YJU2: variants seen among roughly 807,000 people sequenced by gnomAD.
YJU2 encodes splicing factor YJU2.
In YJU2, 28 loss-of-function variants were observed where a neutral mutation model predicts 39.6. The ratio of observed to expected loss-of-function variants is 0.71; its 90% confidence interval spans 0.52 to 0.97. The LOEUF (loss-of-function observed/expected upper bound fraction) is 0.97. YJU2 is among the 50% of genes least tolerant of loss of function. The probability of loss-of-function intolerance (pLI) is 0.00; values close to 1 mark genes in which losing one functional copy is unlikely to be tolerated. For missense variants in YJU2, 328 were observed against 430.4 expected (o/e 0.76, Z 2.11); for synonymous variants, 184 against 182.4 (o/e 1.01, Z -0.07).
intron 5 of YJU2, among the ~76,000 whole-genome samples, chr19:4,260,925 G>A (rs1971065559): frequency 6.6e-6 from 1 of 152,184 alleles, no homozygotes; most frequent in Admixed American, 6.6e-5. Context: ...GCCAGGATGC[G>A]TGAGCTTGAA....
intron 7 of YJU2, 88 bp downstream of exon 7, chr19:4,267,862 A>T (rs1971129517): frequency 2.3e-6 from 3 of 1,304,780 alleles, no homozygotes; most frequent in South Asian, 1.4e-5. Context: ...CAGAGACTTC[A>T]TGGGGTGGGT....
rs145932347 is a variant in YJU2 at position 4,255,446 on chromosome 19, C to T, written c.405+957C>T. 1.8e-4 allele frequency among the ~76,000 whole-genome samples: 27 copies of T among 151,864 alleles called. No homozygotes were observed. In the East Asian group the frequency reaches 5.1e-3, roughly 28 times the overall value. On this transcript the variant is annotated intron_variant, in intron 4 of 7. Transcript: ENST00000262962. The stretch of plus-strand genomic sequence containing the variant: ...AAAACATTAAAAAATTAGCCAGGTG[C>T]TTGCCAGGCGTGGTGGCTCACACCT...
At chr19:4,247,819 C>T (rs1224575899) in intron 1 of YJU2, among the ~76,000 whole-genome samples, 1 of 151,594 alleles carries the variant, frequency 6.6e-6, no homozygotes, top group Non-Finnish European at 1.5e-5. Context: ...TTCCAGACTC[C>T]CAGAAGAAAA....
rs1220923964 is a variant in YJU2, at chr19:4,247,674, T to C, written c.24+504T>C. Among the ~76,000 whole-genome samples the C allele has an allele frequency of 4.4e-3, 533 of 121,294 alleles. 65 individuals are homozygous for C. The highest frequency in any genetic ancestry group is 0.016 in the African/African-American group (482 of 30,338). The allele number at this position is 121,294 out of a possible 152,430, so 79.6% of individuals were successfully genotyped here. Reference sequence around the variant, plus strand: ...GTGTGTGTGTGTGTGTGTGTGTGTGTGTGTGTGTGTGTGTGTGTGTGTGTT... The same window carrying C: ...GTGTGTGTGTGTGTGTGTGTGTGTGCGTGTGTGTGTGTGTGTGTGTGTGTT... On this transcript the variant is annotated intron_variant, in intron 1 of 7. Coordinates refer to ENST00000262962, the MANE Select transcript of YJU2 (RefSeq NM_018074.6).
In YJU2 at chr19:4,258,314, CT is replaced by C. The variant is rs1971039349; in HGVS notation, c.479del (p.Leu160ArgfsTer14). 6.4e-7 allele frequency: 1 copy of C among 1,574,570 alleles called. No individual in the cohort carries two copies. Among genetic ancestry groups the C allele is most frequent in the Non-Finnish European group, 8.6e-7 (1 of 1,160,328 alleles). ...GGAGAACCTCCAGGAGCTGAAAGAC[CT>C]GAACCAGCGGCAGGCGCACGTGGAC... The part of the protein sequence containing the change: ...VLENLQELKD[L>X]NQRQAHVDFE... On this transcript the variant is annotated frameshift_variant, in exon 5 of 8. Coordinates refer to ENST00000262962, the MANE Select transcript of YJU2 (RefSeq NM_018074.6). LOFTEE classifies it high-confidence loss of function.
At chr19:4,256,484 A>AG (rs1971022593) in intron 4 of YJU2, among the ~76,000 whole-genome samples, 1 of 152,044 alleles carries the variant, frequency 6.6e-6, no homozygotes, top group African/African-American at 2.4e-5. Context: ...TCTGTGTGTG[A>AG]ATTTAGTTAC....
intron 6 of YJU2, among the ~76,000 whole-genome samples, chr19:4,266,754 G>A (rs577762468): frequency 1.3e-5 from 2 of 152,190 alleles, no homozygotes; most frequent in Non-Finnish European, 2.9e-5. Context: ...CGCTGAGACG[G>A]GAGGATCGCT....
chr19:4,268,273 G>A (rs112836754), intron 7 of YJU2, among the ~76,000 whole-genome samples: 2,176 of 152,286 alleles, frequency 0.014, 36 homozygotes, highest in African/African-American at 0.036. Flanking sequence ...GCCTTAGTAT[G>A]ATGTTTCCTA....
chr19:4,268,252 G>C (rs1319554307), intron 7 of YJU2, among the ~76,000 whole-genome samples: 1 of 152,180 alleles, frequency 6.6e-6, no homozygotes, highest in Non-Finnish European at 1.5e-5. Context: ...GCCTGTTTTT[G>C]TCTTTTAGTT....
intron 7 of YJU2, among the ~76,000 whole-genome samples, chr19:4,268,306 T>G (rs1373486639): frequency 6.6e-6 from 1 of 152,258 alleles, no homozygotes; most frequent in Non-Finnish European, 1.5e-5. Context: ...CCACAGTGAC[T>G]GGACTGTGAA....
In YJU2 at chr19:4,258,334, C is replaced by A. The variant is rs1306442070; in HGVS notation, c.498C>A (p.His166Gln). 1.3e-6 allele frequency: 2 copies of A among 1,585,778 alleles called. No individual in the cohort carries two copies. The highest frequency in any genetic ancestry group is 2.3e-5 in the East Asian group (1 of 43,908). The change falls in exon 5 of 8, where the codon CAC (histidine) becomes CAA (glutamine). Residue 166 changes from histidine (H) to glutamine (Q), a missense_variant. This residue lies in a region of YJU2 where 244 missense variants were observed against 264.6 expected (regional missense o/e 0.92). Transcript: ENST00000262962. ...AAGACCTGAACCAGCGGCAGGCGCA[C>A]GTGGACTTCGAGGCTATGCTGAGGC... ...ELKDLNQRQA[H>Q]VDFEAMLRQH... is the part of the protein sequence containing the mutation.
chr19:4,264,178 C>T (rs897325567), intron 6 of YJU2, among the ~76,000 whole-genome samples: 13 of 133,180 alleles, frequency 9.8e-5, no homozygotes, highest in Admixed American at 2.6e-4. Flanking sequence ...AGGAGAATGG[C>T]GTGAACCCAG....
chr19:4,250,966 C>T (rs189050709), intron 2 of YJU2, 61 bp from the exon 3 acceptor site: 3 of 1,577,484 alleles, frequency 1.9e-6, no homozygotes, highest in South Asian at 1.1e-5. Context: ...GCCGCAGGGA[C>T]AGCCTGCCAG....
At chr19:4,265,892 C>G (rs993587497) in intron 6 of YJU2, among the ~76,000 whole-genome samples, 1 of 152,014 alleles carries the variant, frequency 6.6e-6, no homozygotes, top group African/African-American at 2.4e-5. Context: ...TGCCTCTGTG[C>G]CTGGCCATCT....
chr19:4,257,550 T>G (rs1343969089), intron 4 of YJU2, among the ~76,000 whole-genome samples: 1 of 151,582 alleles, frequency 6.6e-6, no homozygotes, highest in Non-Finnish European at 1.5e-5. Flanking sequence ...CTTGGTTCAC[T>G]GCAACCTCTG....
chr19:4,262,233 C>T, intron 6 of YJU2, 119 bp downstream of exon 6: 1 of 1,102,488 alleles, frequency 9.1e-7, no homozygotes, highest in Non-Finnish European at 1.3e-6. Context: ...GAGTCTCGCT[C>T]TGTCGCCTAG....
chr19:4,260,101 C>T (rs1971058686), intron 5 of YJU2, among the ~76,000 whole-genome samples: 1 of 152,064 alleles, frequency 6.6e-6, no homozygotes, highest in Non-Finnish European at 1.5e-5. Flanking sequence ...CACACCACTG[C>T]CCTCGGTGGA....
Position 4,258,300 on chromosome 19 carries a change from A to C in YJU2, c.464A>C (p.Gln155Pro), listed in dbSNP as rs1029984191. 1 of 1,567,120 alleles carries C rather than the reference A, an allele frequency of 6.4e-7. No individual in the cohort carries two copies. The highest frequency in any genetic ancestry group is 1.3e-5 in the African/African-American group (1 of 74,330). ...GAGATGGAGGTGCTGGAGAACCTCCAGGAGCTGAAAGACCTGAACCAGCGG... is the reference window on the plus strand; with the variant it reads ...GAGATGGAGGTGCTGGAGAACCTCCCGGAGCTGAAAGACCTGAACCAGCGG... ...KLEMEVLENL[Q>P]ELKDLNQRQA... Residue 155 changes from glutamine to proline, a missense_variant, in exon 5 of 8, where the codon CAG becomes CCG. Gln to Pro is a moderately conservative substitution (Grantham distance 76, BLOSUM62 -1). Around this residue, in one of 2 missense-constraint regions of YJU2, gnomAD observed 244 missense variants for 264.6 expected, o/e 0.92. Transcript: ENST00000262962.
In YJU2 at chr19:4,247,285, C is replaced by T. The variant is rs548656576; in HGVS notation, c.24+115C>T. ...GAACCCTTCTTTCCCAGCGGCCTTCCGCGAGATGGGGCTTCCCAGACTCCT... is the reference window on the plus strand; with the variant it reads ...GAACCCTTCTTTCCCAGCGGCCTTCTGCGAGATGGGGCTTCCCAGACTCCT... On this transcript the variant is annotated intron_variant, in intron 1 of 7. Coordinates refer to ENST00000262962, the MANE Select transcript of YJU2 (RefSeq NM_018074.6). 2.3e-5 allele frequency: 22 copies of T among 948,734 alleles called. No homozygotes were observed. The African/African-American group carries it at 2.8e-4, about 12-fold the overall frequency. The allele number at this position is 948,734 out of a possible 1,614,324, so 58.8% of individuals were successfully genotyped here.
Sources: allele counts gnomAD v4.1 joint callset (sites outside exome capture counted in the v4.1 genomes callset), GRCh38; gene constraint gnomAD v4.1.1; regional missense constraint gnomAD v4.1.1; transcripts MANE v1.5; gene names NCBI Gene and HGNC (gene_info 2026-07-23, HGNC 2026-07-21).